Variants in GLT8D2 observed in about 807,000 individuals in gnomAD.
GLT8D2 encodes glycosyltransferase 8 domain containing 2, also known as glycosyltransferase 8 domain-containing protein 2.
GLT8D2 carries 45 observed loss-of-function variants against 44.5 expected under a neutral mutation model. The ratio of observed to expected loss-of-function variants is 1.01; its 90% CI spans 0.80 to 1.30. The LOEUF (loss-of-function observed/expected upper bound fraction) is 1.30, where lower values mean the gene tolerates loss of function less well. Among genes scored for constraint, GLT8D2 ranks in the 50% most tolerant of loss-of-function variants. The pLI is 0.00. For synonymous variants in GLT8D2, 156 were observed against 157.2 expected (o/e 0.99, Z 0.06); for missense variants, 400 against 430.4 (o/e 0.93, Z 0.62).
intron 3 of GLT8D2, among the ~76,000 whole-genome samples, chr12:104,019,301 T>C (rs1006371388): frequency 6.6e-6 from 1 of 151,974 alleles, no homozygotes; most frequent in Non-Finnish European, 1.5e-5. Context: ...CTAATTTTTG[T>C]ATTTTTTGTA....
chr12:104,015,146 A>G, intron 3 of GLT8D2, 41 bp from the exon 4 acceptor site: 1 of 1,474,936 alleles, frequency 6.8e-7, no homozygotes, highest in East Asian at 2.3e-5. Context: ...GAACCTATGA[A>G]CCTGAAATCA....
intron 1 of GLT8D2, among the ~76,000 whole-genome samples, chr12:104,030,570 G>A (rs1480697096): frequency 6.6e-6 from 1 of 152,042 alleles, no homozygotes. Flanking sequence ...TTTCTGCACT[G>A]CAAAGGAGCA....
chr12:104,060,118 G>A lies in GLT8D2; in HGVS notation c.-423+3831C>T, dbSNP rs187899174. 6.6e-5 allele frequency among the ~76,000 whole-genome samples: 10 copies of A among 152,122 alleles called. No homozygotes were observed. In the East Asian group the frequency reaches 1.5e-3, roughly 23 times the overall value. Reference sequence around the variant, plus strand: ...TTCCCTGACCTCTCTGTGGCTTTTGGCTTTCCTTACCACTTCTGCCTCTAT... The same window carrying A: ...TTCCCTGACCTCTCTGTGGCTTTTGACTTTCCTTACCACTTCTGCCTCTAT... On this transcript the variant is annotated intron_variant, in intron 1 of 10. Transcript: ENST00000548660.
At chr12:104,052,682 G>T (rs1881823415), upstream of GLT8D2, among the ~76,000 whole-genome samples, 1 of 152,162 alleles carries the variant, frequency 6.6e-6, no homozygotes, top group Non-Finnish European at 1.5e-5. Context: ...TCCAGCAGGT[G>T]TGTCCTTTCT....
chr12:104,064,218 T>C, upstream of GLT8D2: 1 of 210,974 alleles, frequency 4.7e-6, no homozygotes, highest in South Asian at 1.6e-4. This position sits in a 1 kb window ranked among gnomAD's most constrained non-coding sequence, Gnocchi z 7.3. Flanking sequence ...AGATGCTCAA[T>C]TAAAGTGGAC....
At chr12:104,041,051 G>C (rs1181466985) in intron 1 of GLT8D2, among the ~76,000 whole-genome samples, 1 of 152,156 alleles carries the variant, frequency 6.6e-6, no homozygotes, top group African/African-American at 2.4e-5. Context: ...CAGATCACTT[G>C]AGGTCAGGAG....
At chr12:104,045,958 T>TAAAGAAAGA (rs1555281912) in intron 1 of GLT8D2, among the ~76,000 whole-genome samples, 1 of 132,636 alleles carries the variant, frequency 7.5e-6, no homozygotes, top group Admixed American at 7.3e-5. Flanking sequence ...AGAAAGAAAA[T>TAAAGAAAGA]AAGAAAGAAA....
At chr12:104,022,345 A>C (rs1430397107) in intron 1 of GLT8D2, among the ~76,000 whole-genome samples, 1 of 152,158 alleles carries the variant, frequency 6.6e-6, no homozygotes, top group Non-Finnish European at 1.5e-5. Context: ...CCCTGGAAGA[A>C]AGGCTGGAGG....
chr12:104,056,708 T>C (rs1882209354), intron 1 of GLT8D2, among the ~76,000 whole-genome samples: 1 of 152,208 alleles, frequency 6.6e-6, no homozygotes, highest in Admixed American at 6.5e-5. Flanking sequence ...GTATATTCAC[T>C]GTAAGTAATT....
At chr12:104,011,855 C>T (rs1394448716) in intron 4 of GLT8D2, among the ~76,000 whole-genome samples, 1 of 151,886 alleles carries the variant, frequency 6.6e-6, no homozygotes, top group Non-Finnish European at 1.5e-5. Flanking sequence ...CCCCTTAAAC[C>T]CTTCTTAATG....
intron 1 of GLT8D2, among the ~76,000 whole-genome samples, chr12:104,047,569 G>C (rs1383750821): frequency 6.6e-6 from 1 of 152,118 alleles, no homozygotes; most frequent in Admixed American, 6.6e-5. Context: ...GCCTCCCAAA[G>C]TGCTGGGATT....
chr12:104,003,758 G>A (rs1288737921), intron 4 of GLT8D2, among the ~76,000 whole-genome samples: 1 of 152,154 alleles, frequency 6.6e-6, no homozygotes, highest in Non-Finnish European at 1.5e-5. Context: ...CTGGATAATT[G>A]TGGAACTGAT....
chr12:104,051,559 A>T (rs1881731263), upstream of GLT8D2, among the ~76,000 whole-genome samples: 1 of 152,172 alleles, frequency 6.6e-6, no homozygotes, highest in Non-Finnish European at 1.5e-5. Context: ...TGTAATTAGC[A>T]TATCTATAAT....
intron 1 of GLT8D2, among the ~76,000 whole-genome samples, chr12:104,062,983 T>C (rs1882804560): frequency 6.6e-6 from 1 of 152,084 alleles, no homozygotes; most frequent in African/African-American, 2.4e-5. Flanking sequence ...TACTGTGAAC[T>C]GCCCATAGGA....
chr12:103,994,488 C>T lies in GLT8D2; in HGVS notation c.614G>A (p.Gly205Asp). ...GGCCTTCTTCCGGTAGTCCAGATAG[C>T]CCATATATGTGTTCTGTAAGGGAAC... ...RLVGLQNTYM[G>D]YLDYRKKAIK... Residue 205 changes from glycine to aspartate, a missense_variant, in exon 9 of 11, where the codon GGC (glycine) becomes GAC (aspartate). Coordinates refer to ENST00000360814, the MANE Select transcript of GLT8D2 (RefSeq NM_001384711.1). 6.2e-7 allele frequency: 1 copy of T among 1,612,020 alleles called. No homozygotes were observed. The highest frequency in any genetic ancestry group is 8.5e-7 in the Non-Finnish European group (1 of 1,179,234).
intron 1 of GLT8D2, among the ~76,000 whole-genome samples, chr12:104,055,803 T>C (rs2136540044): frequency 6.6e-6 from 1 of 152,360 alleles, no homozygotes; most frequent in Admixed American, 6.5e-5. Context: ...TCTGTAGTAG[T>C]ACATGAATTA....
At position 104,016,774 on chromosome 12, in the gene GLT8D2, AGAAGGAAGGAAG is replaced by A. The variant is rs1160367285; in HGVS notation, c.20-1681_20-1670del. On this transcript the variant is annotated intron_variant, in intron 3 of 10. Transcript: ENST00000360814. ...AAGAAAGAAAGAAAGAAAGAAAGAA[AGAAGGAAGGAAG>A]GAAGGAAGGAAGGAAGGAAGGAAAG... is the stretch of plus-strand genomic sequence containing the variant. 4.8e-4 allele frequency among the ~76,000 whole-genome samples: 28 copies of A among 58,394 alleles called. 1 individual carries two copies. The highest frequency in any genetic ancestry group is 3.9e-3 in the East Asian group (10 of 2,546). 38.3% of individuals were successfully genotyped at this position (58,394 alleles called of 152,430 possible). A position where few individuals can be genotyped will look rare whatever the true frequency, so the allele number is the denominator to read the frequency against.
chr12:104,049,113 GAA>G (rs1244769720), intron 1 of GLT8D2, among the ~76,000 whole-genome samples: 1 of 151,958 alleles, frequency 6.6e-6, no homozygotes. Flanking sequence ...GGAGGAAAAG[GAA>G]AAGACAAAAA....
intron 1 of GLT8D2, chr12:104,031,618 C>T: frequency 1.3e-6 from 2 of 1,482,580 alleles, no homozygotes; most frequent in Non-Finnish European, 1.9e-6. Flanking sequence ...CCCACCTGCA[C>T]ATGTCACACT....
Sources: allele counts gnomAD v4.1 joint callset (sites outside exome capture counted in the v4.1 genomes callset), GRCh38; gene constraint gnomAD v4.1.1; non-coding constraint Gnocchi (gnomAD v3.1); transcripts MANE v1.5; gene names NCBI Gene and HGNC (gene_info 2026-07-23, HGNC 2026-07-21).